CYP4A22: variants seen among roughly 807,000 people sequenced by gnomAD.
CYP4A22 encodes the protein cytochrome P450 family 4 subfamily A member 22.
Under a neutral mutation model 56.2 loss-of-function variants are expected in CYP4A22, and 46 were observed. The ratio of observed to expected loss-of-function variants is 0.82; its 90% CI spans 0.65 to 1.05. CYP4A22 has a LOEUF of 1.05. Ranked by LOEUF, CYP4A22 falls within the 50% of genes least tolerant of loss-of-function variation. CYP4A22 has a pLI of 0.00. For missense variants in CYP4A22, 541 were observed against 645.9 expected (o/e 0.84, Z 1.76); for synonymous variants, 193 against 251.1 (o/e 0.77, Z 2.19).
Position 47,143,326 on chromosome 1 carries a change from T to G in CYP4A22, c.568T>G (p.Ser190Ala). 1.2e-6 allele frequency: 2 copies of G among 1,613,900 alleles called. No homozygotes were observed. Among genetic ancestry groups the G allele is most frequent in the Non-Finnish European group, 1.7e-6 (2 of 1,179,840 alleles). The change falls in exon 5 of 12, where the codon TCC (serine) becomes GCC (alanine). Residue 190 changes from serine to alanine, a missense_variant. Ser to Ala is a moderately conservative substitution (Grantham distance 99). Coordinates refer to ENST00000371891, the MANE Select transcript of CYP4A22 (RefSeq NM_001010969.4). The part of the protein sequence containing the change: ...DSPLEVFQHV[S>A]LMTLDTIMKS... ...CCCTCTGGAGGTCTTTCAGCACGTC[T>G]CCTTGATGACCCTGGACACCATCAT...
intron 9 of CYP4A22, among the ~76,000 whole-genome samples, chr1:47,145,286 G>C (rs1309352862): frequency 8.5e-5 from 13 of 152,166 alleles, no homozygotes; most frequent in Admixed American, 8.5e-4. Flanking sequence ...TTCCTCATGG[G>C]GTCAGTGCAA....
intron 4 of CYP4A22, among the ~76,000 whole-genome samples, chr1:47,142,949 C>T (rs1012401343): frequency 1.3e-5 from 2 of 152,196 alleles, no homozygotes; most frequent in Non-Finnish European, 2.9e-5. Flanking sequence ...TTATTTATCC[C>T]AGAACAACAA....
rs1249248656 is a variant in CYP4A22, at chr1:47,143,793, G to A, written c.667G>A (p.Asp223Asn). 2 of 1,613,700 alleles carry A rather than the reference G, an allele frequency of 1.2e-6. No individual in the cohort carries two copies. Among genetic ancestry groups the A allele is most frequent in the Non-Finnish European group, 8.5e-7 (1 of 1,179,718 alleles). The change falls in exon 6 of 12, where the codon GAC becomes AAC. Residue 223 changes from aspartate to asparagine, a missense_variant. Physicochemically the swap from Asp to Asn is conservative, Grantham distance 23. Around this residue, in one of 3 missense-constraint regions of CYP4A22, gnomAD observed 335 missense variants for 361.2 expected, o/e 0.93. Transcript: ENST00000371891. Reference protein sequence around the residue: ...NSQSYIQAISDLNSLVFCCMR... With the variant: ...NSQSYIQAISNLNSLVFCCMR... ...TCAGTCCTACATCCAGGCCATTAGTGACCTGAACAGCCTGGTTTTTTGCTG... is the reference window on the plus strand; with the variant it reads ...TCAGTCCTACATCCAGGCCATTAGTAACCTGAACAGCCTGGTTTTTTGCTG...
At chr1:47,146,838 C>T in intron 11 of CYP4A22, 1 of 986,514 alleles carries the variant, frequency 1.0e-6, no homozygotes, top group Non-Finnish European at 1.2e-6. Context: ...GCCTTGAGAT[C>T]TTTATACCAT....
chr1:47,141,644 A>T, intron 3 of CYP4A22, 29 bp downstream of exon 3: 1 of 1,609,520 alleles, frequency 6.2e-7, no homozygotes, highest in East Asian at 2.2e-5. Flanking sequence ...ACTGCAGCCC[A>T]CTCCCTAGTT....
In CYP4A22 at chr1:47,140,801, C is replaced by T; in HGVS notation, c.217C>T (p.Gln73Ter). 1 of 1,614,172 alleles carries T rather than the reference C, an allele frequency of 6.2e-7. No homozygotes were observed. The highest frequency in any genetic ancestry group is 1.1e-5 in the South Asian group (1 of 91,080). ...ACAGTTCCAACACGACCAGGAGCTACAACGGATTCAGGAACGGGTGAAGAC... is the reference window on the plus strand; with the variant it reads ...ACAGTTCCAACACGACCAGGAGCTATAACGGATTCAGGAACGGGTGAAGAC... ...IQEFQHDQEL[Q>*]RIQERVKTFP... Residue 73 changes from glutamine to a stop codon, truncating the protein, a stop_gained, in exon 2 of 12, where the codon CAA (glutamine) becomes TAA (stop). Transcript: ENST00000371891. LOFTEE classifies it high-confidence loss of function.
At position 47,148,028 on chromosome 1, in the gene CYP4A22, G is replaced by A. The variant is rs551163058; in HGVS notation, c.1365-574G>A. On this transcript the variant is annotated intron_variant, in intron 11 of 11. Transcript: ENST00000371891. ...GAGGAGTGAGGTTAGACAGGAGCCCGGACCCTGGGGTGGGAGGCAGGTGGG... is the reference window on the plus strand; with the variant it reads ...GAGGAGTGAGGTTAGACAGGAGCCCAGACCCTGGGGTGGGAGGCAGGTGGG... Among the ~76,000 whole-genome samples the A allele has an allele frequency of 2.3e-3, 348 of 152,220 alleles. 4 individuals are homozygous for A. The highest frequency in any genetic ancestry group is 8.2e-3 in the African/African-American group (341 of 41,524).
At chr1:47,140,951 T>G (rs202173207) in intron 2 of CYP4A22, 30 bp downstream of exon 2, 415 of 1,612,122 alleles carry the variant, frequency 2.6e-4, no homozygotes, top group Admixed American at 4.3e-4. Context: ...CCAACTGCAA[T>G]TTCTCTTCCC....
Position 47,144,349 on chromosome 1 carries a change from T to C in CYP4A22, c.791-8T>C. ...CAGCTCTGCCTGGTAACCATTGTTC[T>C]GGTACAGACCAAGTGATCCAACTGA... On this transcript the variant is annotated splice_polypyrimidine_tract_variant and splice_region_variant and intron_variant, in intron 6 of 11. Transcript: ENST00000371891. The C allele has an allele frequency of 6.2e-7, 1 of 1,613,790 alleles. No individual in the cohort carries two copies. The highest frequency in any genetic ancestry group is 8.5e-7 in the Non-Finnish European group (1 of 1,179,748).
chr1:47,139,942 G>A (rs1644988322), intron 1 of CYP4A22, among the ~76,000 whole-genome samples: 1 of 152,240 alleles, frequency 6.6e-6, no homozygotes, highest in Admixed American at 6.5e-5. Flanking sequence ...GCCCAGAAGA[G>A]TGAGCAGGTG....
intron 4 of CYP4A22, among the ~76,000 whole-genome samples, chr1:47,142,449 A>G (rs1048854818): frequency 3.9e-5 from 6 of 152,224 alleles, no homozygotes; most frequent in African/African-American, 1.2e-4. Flanking sequence ...GTTCCCCACC[A>G]TAGGAATAGA....
intron 11 of CYP4A22, chr1:47,147,313 C>G: frequency 1.0e-6 from 1 of 985,394 alleles, no homozygotes; most frequent in Non-Finnish European, 1.2e-6. Context: ...ATTTCTAGCT[C>G]AGAACTAATA....
chr1:47,144,154 A>G (rs527873817), intron 6 of CYP4A22, among the ~76,000 whole-genome samples: 1 of 152,348 alleles, frequency 6.6e-6, no homozygotes, highest in African/African-American at 2.4e-5. Context: ...ACAGCATTCA[A>G]GAGGAGCCTC....
At chr1:47,147,688 T>A (rs952186516) in intron 11 of CYP4A22, among the ~76,000 whole-genome samples, 1 of 152,134 alleles carries the variant, frequency 6.6e-6, no homozygotes, top group African/African-American at 2.4e-5. Context: ...GGCTGTGACT[T>A]TAGCCTTGAG....
intron 1 of CYP4A22, 36 bp downstream of exon 1, chr1:47,137,716 G>A (rs760899874): frequency 2.7e-5 from 43 of 1,574,964 alleles, no homozygotes; most frequent in Middle Eastern, 3.9e-4. Flanking sequence ...GGGAGGGCAA[G>A]GAGGGATGCG....
rs1384488879 is a variant in CYP4A22, at chr1:47,149,602, C to G, written c.*805C>G. On this transcript the variant is annotated 3_prime_UTR_variant, in exon 12 of 12. Transcript: ENST00000371891. ...TAACCCCAACATCCCTGAATCTCCA[C>G]CCACCTCCCAAACTCCTGCCTGCCC... The G allele has an allele frequency of 6.6e-6, 1 of 152,222 alleles. No homozygotes were observed. Among genetic ancestry groups the G allele is most frequent in the Non-Finnish European group, 1.5e-5 (1 of 68,056 alleles). The allele number at this position is 152,222 out of a possible 1,614,324, so 9.4% of individuals were successfully genotyped here.
intron 2 of CYP4A22, 144 bp from the exon 3 acceptor site, chr1:47,141,427 G>C: frequency 1.1e-6 from 1 of 903,366 alleles, no homozygotes; most frequent in Non-Finnish European, 1.7e-6. Context: ...TGACCTTCAG[G>C]ACAGAAATAG....
chr1:47,138,287 C>T (rs548364699), intron 1 of CYP4A22, among the ~76,000 whole-genome samples: 23 of 152,302 alleles, frequency 1.5e-4, no homozygotes, highest in African/African-American at 3.8e-4. Flanking sequence ...TGATTTAGGA[C>T]CTGAAAACCT....
intron 9 of CYP4A22, 110 bp from the exon 10 acceptor site, chr1:47,145,756 A>T (rs561818884): frequency 1.6e-5 from 23 of 1,475,862 alleles, no homozygotes; most frequent in Non-Finnish European, 2.1e-5. Flanking sequence ...TCAAAGTGAC[A>T]ATTTATAGAA....
Sources: allele counts gnomAD v4.1 joint callset (sites outside exome capture counted in the v4.1 genomes callset), GRCh38; gene constraint gnomAD v4.1.1; regional missense constraint gnomAD v4.1.1; transcripts MANE v1.5; gene names NCBI Gene and HGNC (gene_info 2026-07-23, HGNC 2026-07-21).